Variants in PDE4B observed in about 807,000 individuals in gnomAD.
PDE4B encodes 3',5'-cyclic-AMP phosphodiesterase 4B.
PDE4B carries 20 observed loss-of-function variants against 82.2 expected under a neutral mutation model. The observed-to-expected ratio is 0.24, with a 90% confidence interval of 0.17 to 0.35. The LOEUF is 0.35. Among genes scored for constraint, PDE4B ranks in the 10% least tolerant of loss-of-function variants. The pLI is 1.00. For missense variants in PDE4B, 655 were observed against 907.2 expected, an observed-to-expected ratio of 0.72 and a Z score of 3.57; for synonymous variants, 320 against 318.9, an observed-to-expected ratio of 1.00 and a Z score of -0.04.
intron 1 of PDE4B, among the ~76,000 whole-genome samples, chr1:65,798,735 G>A (rs1488569651): frequency 6.6e-6 from 1 of 152,138 alleles, no homozygotes; most frequent in Non-Finnish European, 1.5e-5. Context: ...GTATTTCCCT[G>A]TAATATATAT....
At chr1:66,198,231 C>A (rs1288943817) in intron 3 of PDE4B, among the ~76,000 whole-genome samples, 1 of 152,062 alleles carries the variant, frequency 6.6e-6, no homozygotes, top group East Asian at 1.9e-4. Context: ...TTTCTTAAAC[C>A]TAATATAAAA....
At chr1:66,349,143 T>C (rs4655835) in intron 8 of PDE4B, among the ~76,000 whole-genome samples, 6,289 of 152,234 alleles carry the variant, frequency 0.041, 366 homozygotes, top group African/African-American at 0.13. Flanking sequence ...AGAGCAGCTA[T>C]ATTCAAATTT....
intron 3 of PDE4B, among the ~76,000 whole-genome samples, chr1:65,937,324 G>A (rs903188974): frequency 1.3e-5 from 2 of 152,174 alleles, no homozygotes; most frequent in African/African-American, 4.8e-5. Flanking sequence ...ATTGTGGAGG[G>A]GAAAGTGGTT....
chr1:65,921,117 T>C (rs61799375), intron 3 of PDE4B, among the ~76,000 whole-genome samples: 63 of 150,932 alleles, frequency 4.2e-4, no homozygotes, highest in East Asian at 9.7e-4. Flanking sequence ...TACAGGCGCC[T>C]GCCACTACGC....
intron 7 of PDE4B, among the ~76,000 whole-genome samples, chr1:66,287,948 T>C (rs1656798471): frequency 6.6e-6 from 1 of 152,056 alleles, no homozygotes; most frequent in Admixed American, 6.6e-5. Context: ...CACTCCAGCC[T>C]GGGTGACAGA....
rs901699196 is a variant in PDE4B at position 66,338,744 on chromosome 1, C to T, written c.747+6124C>T. On this transcript the variant is annotated intron_variant, in intron 8 of 16. Coordinates refer to ENST00000341517, the MANE Select transcript of PDE4B (RefSeq NM_002600.4). ...TAGAGATAAGCTATTCTTGGCCGGG[C>T]GCGGTGGCTCACGCCTGTAATCCCA... Among the ~76,000 whole-genome samples the T allele has an allele frequency of 7.9e-5, 12 of 152,250 alleles. No individual in the cohort carries two copies. In the East Asian group the frequency reaches 1.7e-3, roughly 22 times the overall value.
At chr1:66,164,380 C>A (rs1027062881) in intron 3 of PDE4B, among the ~76,000 whole-genome samples, 1 of 150,944 alleles carries the variant, frequency 6.6e-6, no homozygotes, top group African/African-American at 2.4e-5. Flanking sequence ...ACTAAAAATA[C>A]AAAAAAATAG....
intron 3 of PDE4B, among the ~76,000 whole-genome samples, chr1:66,081,775 A>G (rs950569814): frequency 6.6e-6 from 1 of 151,402 alleles, no homozygotes; most frequent in African/African-American, 2.4e-5. Flanking sequence ...TTTCTTTACT[A>G]TAAAACATTC....
At chr1:66,149,968 G>C (rs1439297752) in intron 3 of PDE4B, among the ~76,000 whole-genome samples, 1 of 152,204 alleles carries the variant, frequency 6.6e-6, no homozygotes, top group Non-Finnish European at 1.5e-5. Context: ...TCTTTGTTAT[G>C]TGGGTAGCCA....
At chr1:66,344,430 T>C (rs1661238202) in intron 8 of PDE4B, among the ~76,000 whole-genome samples, 1 of 152,200 alleles carries the variant, frequency 6.6e-6, no homozygotes, top group African/African-American at 2.4e-5. Flanking sequence ...TGCTTCAACT[T>C]ACTGGAATTA....
At chr1:65,997,447 G>T (rs1386275056) in intron 3 of PDE4B, among the ~76,000 whole-genome samples, 1 of 151,966 alleles carries the variant, frequency 6.6e-6, no homozygotes, top group Non-Finnish European at 1.5e-5. Flanking sequence ...CTTATATTTG[G>T]CAAGACAACA....
intron 1 of PDE4B, among the ~76,000 whole-genome samples, chr1:65,843,377 G>A (rs1646230843): frequency 6.6e-6 from 1 of 152,076 alleles, no homozygotes; most frequent in Non-Finnish European, 1.5e-5. Context: ...ATACCTATAT[G>A]GCAAACTTTG....
At chr1:65,808,817 G>A (rs1645786148) in intron 1 of PDE4B, among the ~76,000 whole-genome samples, 1 of 152,124 alleles carries the variant, frequency 6.6e-6, no homozygotes, top group African/African-American at 2.4e-5. Flanking sequence ...TTTCAGTTAT[G>A]GCTGATTTGT....
intron 3 of PDE4B, among the ~76,000 whole-genome samples, chr1:66,192,212 A>G (rs557876270): frequency 1.3e-5 from 2 of 152,264 alleles, no homozygotes; most frequent in South Asian, 2.1e-4. Context: ...CTTTGTATCA[A>G]TTGAAGACTC....
At chr1:66,182,306 T>A (rs1027983243) in intron 3 of PDE4B, among the ~76,000 whole-genome samples, 2 of 152,188 alleles carry the variant, frequency 1.3e-5, no homozygotes, top group Non-Finnish European at 2.9e-5. Flanking sequence ...TCAGAATTCA[T>A]CATTTGGCTT....
intron 3 of PDE4B, among the ~76,000 whole-genome samples, chr1:66,170,463 C>T (rs1049376263): frequency 2.2e-4 from 34 of 152,238 alleles, no homozygotes; most frequent in African/African-American, 7.9e-4. Context: ...TCAGGTCAGG[C>T]TACCATCTGT....
chr1:66,295,970 C>G (rs568893148), intron 7 of PDE4B, among the ~76,000 whole-genome samples: 1 of 152,124 alleles, frequency 6.6e-6, no homozygotes, highest in African/African-American at 2.4e-5. Flanking sequence ...ACTTCCTTCA[C>G]GTGTCGCCCT....
intron 3 of PDE4B, among the ~76,000 whole-genome samples, chr1:65,950,826 C>T (rs1211860298): frequency 1.3e-5 from 2 of 151,830 alleles, no homozygotes; most frequent in Non-Finnish European, 2.9e-5. Flanking sequence ...ATGGTACAAC[C>T]AGAAAAGGGA....
intron 3 of PDE4B, among the ~76,000 whole-genome samples, chr1:66,180,501 A>G (rs12135034): frequency 0.16 from 24,391 of 152,212 alleles, 2,173 homozygotes; most frequent in Non-Finnish European, 0.2. Flanking sequence ...ATAAAGCTCA[A>G]GTCAGGGAAC....
Sources: allele counts gnomAD v4.1 joint callset (sites outside exome capture counted in the v4.1 genomes callset), GRCh38; gene constraint gnomAD v4.1.1; transcripts MANE v1.5; gene names NCBI Gene and HGNC (gene_info 2026-07-23, HGNC 2026-07-21).